Variants in UTS2 observed in about 807,000 individuals in gnomAD.
UTS2 encodes the protein urotensin 2.
A neutral mutation model predicts 12.6 loss-of-function variants in UTS2; 10 were observed. That is an observed-to-expected ratio of 0.80 (90% CI 0.49 to 1.35). The LOEUF (loss-of-function observed/expected upper bound fraction) is 1.35. Among genes scored for constraint, UTS2 ranks in the 40% most tolerant of loss-of-function variants. The pLI, the probability that UTS2 is intolerant of heterozygous loss-of-function variation, is 0.00. For missense variants in UTS2, 142 were observed against 143.2 expected, an observed-to-expected ratio of 0.99 and a Z score of 0.04; for synonymous variants, 52 against 50.0, an observed-to-expected ratio of 1.04 and a Z score of -0.17.
chr1:7,890,847 A>C, the UTS2 span, among the ~76,000 whole-genome samples: 1 of 142,582 alleles, frequency 7.0e-6, no homozygotes, highest in African/African-American at 2.9e-5. Flanking sequence ...ACTGTCTCAA[A>C]AAAAAAAAAA....
At chr1:7,894,002 G>A in the UTS2 span, among the ~76,000 whole-genome samples, 1 of 152,138 alleles carries the variant, frequency 6.6e-6, no homozygotes, top group Non-Finnish European at 1.5e-5. Context: ...AGCTCTCTCT[G>A]CCCAGTGGTG....
chr1:7,873,230 G>A, the UTS2 span, among the ~76,000 whole-genome samples: 2 of 152,248 alleles, frequency 1.3e-5, no homozygotes, highest in Non-Finnish European at 1.5e-5. Context: ...GGAGATGACT[G>A]TTGTTTTCAT....
the UTS2 span, among the ~76,000 whole-genome samples, chr1:7,875,176 G>A: frequency 6.6e-6 from 1 of 151,726 alleles, no homozygotes; most frequent in South Asian, 2.1e-4. Flanking sequence ...CCAGGTTCAC[G>A]CTATTCTCCT....
At chr1:7,906,365 A>G in the UTS2 span, among the ~76,000 whole-genome samples, 1 of 151,688 alleles carries the variant, frequency 6.6e-6, no homozygotes. Context: ...GAACTGGTGA[A>G]CGTCTTAACT....
At chr1:7,893,526 C>T in the UTS2 span, among the ~76,000 whole-genome samples, 1 of 151,792 alleles carries the variant, frequency 6.6e-6, no homozygotes, top group South Asian at 2.1e-4. Flanking sequence ...TAAAACAAAC[C>T]AAACCTGGGG....
chr1:7,857,675 G>C (rs1024438748), upstream of UTS2, among the ~76,000 whole-genome samples: 2 of 152,054 alleles, frequency 1.3e-5, no homozygotes, highest in Admixed American at 6.6e-5. Context: ...AACCTAGTGA[G>C]ACCCTGTCTC....
the UTS2 span, among the ~76,000 whole-genome samples, chr1:7,890,973 C>G: frequency 1.3e-5 from 2 of 150,326 alleles, no homozygotes; most frequent in South Asian, 2.1e-4. Flanking sequence ...CTCCACCCCC[C>G]CCCACAAAAC....
chr1:7,876,555 C>A, the UTS2 span, among the ~76,000 whole-genome samples: 1 of 152,194 alleles, frequency 6.6e-6, no homozygotes, highest in Non-Finnish European at 1.5e-5. Flanking sequence ...GCAAAAGTCA[C>A]CTGGAGACCC....
the UTS2 span, among the ~76,000 whole-genome samples, chr1:7,908,950 G>T: frequency 6.6e-6 from 1 of 152,082 alleles, no homozygotes; most frequent in Non-Finnish European, 1.5e-5. Context: ...GGGACTACAG[G>T]TGCGTGCCAC....
the UTS2 span, among the ~76,000 whole-genome samples, chr1:7,898,719 C>T: frequency 6.6e-6 from 1 of 151,994 alleles, no homozygotes; most frequent in Non-Finnish European, 1.5e-5. Context: ...CCTCGTGATC[C>T]ACCCACCTCG....
the UTS2 span, among the ~76,000 whole-genome samples, chr1:7,911,131 G>A: frequency 2.6e-5 from 4 of 152,138 alleles, no homozygotes; most frequent in Middle Eastern, 3.4e-3. Flanking sequence ...CTATCAGACC[G>A]CAAAGGTGCA....
At chr1:7,870,897 C>A in the UTS2 span, among the ~76,000 whole-genome samples, 2 of 152,176 alleles carry the variant, frequency 1.3e-5, no homozygotes, top group East Asian at 3.8e-4. Flanking sequence ...CCACAGGTAA[C>A]CATGAGGAGG....
At chr1:7,887,726 A>C in the UTS2 span, among the ~76,000 whole-genome samples, 1 of 151,038 alleles carries the variant, frequency 6.6e-6, no homozygotes, top group African/African-American at 2.4e-5. Context: ...CCACCACTCC[A>C]GCCTGGGCAA....
At chr1:7,908,551 C>G in the UTS2 span, among the ~76,000 whole-genome samples, 1 of 151,636 alleles carries the variant, frequency 6.6e-6, no homozygotes, top group African/African-American at 2.4e-5. Flanking sequence ...GATCAGACAC[C>G]AGCTACACAA....
chr1:7,902,885 T>A, the UTS2 span, among the ~76,000 whole-genome samples: 1 of 152,132 alleles, frequency 6.6e-6, no homozygotes, highest in East Asian at 1.9e-4. Flanking sequence ...CCTTCCGCGC[T>A]CAGAGCCTTC....
At chr1:7,856,247 C>T (rs1407390917), upstream of UTS2, among the ~76,000 whole-genome samples, 1 of 152,124 alleles carries the variant, frequency 6.6e-6, no homozygotes, top group Non-Finnish European at 1.5e-5. Flanking sequence ...GAACGGTGAA[C>T]AAAATAAAAA....
chr1:7,901,474 T>C, the UTS2 span, among the ~76,000 whole-genome samples: 1 of 152,170 alleles, frequency 6.6e-6, no homozygotes, highest in East Asian at 1.9e-4. Flanking sequence ...TTTCCATTCA[T>C]TGAGGTGTTC....
At chr1:7,863,005 ATTGTATTGTAT>A in the UTS2 span, among the ~76,000 whole-genome samples, 1 of 20,050 alleles carries the variant, frequency 5.0e-5, no homozygotes. Flanking sequence ...ATTGTATTGT[ATTGTATTGTAT>A]TGTATTGTAT....
chr1:7,859,122 C>A, the UTS2 span, among the ~76,000 whole-genome samples: 2 of 152,086 alleles, frequency 1.3e-5, no homozygotes, highest in African/African-American at 4.8e-5. Flanking sequence ...TACCTGAAAC[C>A]AGGGCAGCTC....
Sources: allele counts gnomAD v4.1 joint callset (sites outside exome capture counted in the v4.1 genomes callset), GRCh38; gene constraint gnomAD v4.1.1; transcripts MANE v1.5; gene names NCBI Gene and HGNC (gene_info 2026-07-23, HGNC 2026-07-21).